LUZP2: variants seen among roughly 807,000 people sequenced by gnomAD.
LUZP2 encodes the protein leucine zipper protein 2.
LUZP2 carries 52 observed loss-of-function variants against 51.6 expected under a neutral mutation model. The observed-to-expected ratio is 1.01, with a 90% CI of 0.81 to 1.27. The LOEUF is 1.27. Among genes scored for constraint, LUZP2 ranks in the 50% most tolerant of loss-of-function variants. LUZP2 has a pLI of 0.00. For synonymous variants in LUZP2, 154 were observed against 137.3 expected (o/e 1.12, Z -0.85); for missense variants, 436 against 395.4 (o/e 1.10, Z -0.87).
chr11:24,704,184 C>T (rs902981562), intron 1 of LUZP2, among the ~76,000 whole-genome samples: 20 of 152,124 alleles, frequency 1.3e-4, no homozygotes, highest in South Asian at 6.2e-4. Context: ...TTTGCTTTAG[C>T]GTCTTTGGAG....
At chr11:24,587,061 T>C (rs575306834) in intron 1 of LUZP2, among the ~76,000 whole-genome samples, 3 of 152,244 alleles carry the variant, frequency 2.0e-5, no homozygotes, top group African/African-American at 7.2e-5. Flanking sequence ...ACAATTTTTA[T>C]TATGACTACT....
At chr11:25,071,848 TAA>T (rs60570681) in intron 10 of LUZP2, among the ~76,000 whole-genome samples, 55,935 of 151,236 alleles carry the variant, frequency 0.37, 12,505 homozygotes, top group East Asian at 0.78. Context: ...TAAAAAAAGA[TAA>T]AAAAAAATAA....
intron 1 of LUZP2, among the ~76,000 whole-genome samples, chr11:24,635,041 G>A (rs529463774): frequency 2.6e-5 from 4 of 152,122 alleles, no homozygotes; most frequent in South Asian, 2.1e-4. Context: ...ACCAGGAAGC[G>A]TGGGATGGGG....
intron 5 of LUZP2, among the ~76,000 whole-genome samples, chr11:24,790,029 T>C (rs554969031): frequency 1.5e-4 from 23 of 152,332 alleles, no homozygotes; most frequent in African/African-American, 4.6e-4. Context: ...TCTTTCCACC[T>C]GTGCTTTGAA....
At chr11:24,977,256 A>G (rs12273070) in intron 8 of LUZP2, among the ~76,000 whole-genome samples, 12,966 of 151,700 alleles carry the variant, frequency 0.085, 1,824 homozygotes, top group African/African-American at 0.29. Flanking sequence ...ATTAACAAAT[A>G]TACATAAATG....
intron 7 of LUZP2, among the ~76,000 whole-genome samples, chr11:24,951,151 A>T (rs930832593): frequency 6.6e-6 from 1 of 151,600 alleles, no homozygotes; most frequent in Non-Finnish European, 1.5e-5. Flanking sequence ...TTGCGAGAAT[A>T]TACTTAATTA....
At chr11:25,040,343 A>ATTTTTTTTTTTTTT (rs57668112) in intron 9 of LUZP2, among the ~76,000 whole-genome samples, 1,364 of 98,694 alleles carry the variant, frequency 0.014, 282 homozygotes, top group African/African-American at 0.044. Flanking sequence ...TTTCTTTCCG[A>ATTTTTTTTTTTTTT]TTTTTTTTTT....
chr11:25,012,410 T>C (rs1857012701), intron 9 of LUZP2, among the ~76,000 whole-genome samples: 1 of 152,168 alleles, frequency 6.6e-6, no homozygotes, highest in Non-Finnish European at 1.5e-5. Context: ...ATTGTAAATA[T>C]TGGACTTCCG....
intron 5 of LUZP2, among the ~76,000 whole-genome samples, chr11:24,847,850 A>G (rs547313298): frequency 1.3e-4 from 20 of 152,286 alleles, no homozygotes; most frequent in Admixed American, 2.0e-4. Flanking sequence ...TTTATATTTA[A>G]TCAAATATTT....
At chr11:24,907,262 C>G (rs892760770) in intron 6 of LUZP2, among the ~76,000 whole-genome samples, 1 of 145,856 alleles carries the variant, frequency 6.9e-6, no homozygotes, top group Non-Finnish European at 1.5e-5. Flanking sequence ...GGTGAAAACT[C>G]TCCTTGAAAA....
intron 5 of LUZP2, among the ~76,000 whole-genome samples, chr11:24,814,042 T>C (rs12280994): frequency 4.5e-4 from 69 of 152,310 alleles, no homozygotes; most frequent in Admixed American, 2.4e-3. Context: ...CAGTGAACAA[T>C]TGGTAGTGTT....
chr11:24,823,832 G>A (rs1257800505), intron 5 of LUZP2, among the ~76,000 whole-genome samples: 3 of 152,184 alleles, frequency 2.0e-5, no homozygotes, highest in African/African-American at 4.8e-5. Flanking sequence ...GGGAGGCTGA[G>A]ACGGGTGGAT....
intron 5 of LUZP2, among the ~76,000 whole-genome samples, chr11:24,877,212 A>T (rs1004520906): frequency 6.6e-6 from 1 of 152,174 alleles, no homozygotes; most frequent in African/African-American, 2.4e-5. Context: ...CAAGTGATAA[A>T]TATGCCTGAA....
chr11:25,041,529 CAATT>C (rs1255236777), intron 9 of LUZP2, among the ~76,000 whole-genome samples: 18 of 151,980 alleles, frequency 1.2e-4, no homozygotes, highest in African/African-American at 4.4e-4. Flanking sequence ...TGTTTTAAGA[CAATT>C]AAATAAAATG....
chr11:24,525,968 C>G (rs1048132441), intron 1 of LUZP2, among the ~76,000 whole-genome samples: 1 of 151,270 alleles, frequency 6.6e-6, no homozygotes, highest in African/African-American at 2.4e-5. Flanking sequence ...ATAGAATATT[C>G]TTCTTATAAT....
At chr11:24,604,825 A>G (rs1363068980) in intron 1 of LUZP2, among the ~76,000 whole-genome samples, 3 of 151,870 alleles carry the variant, frequency 2.0e-5, no homozygotes, top group African/African-American at 7.2e-5. Flanking sequence ...ATTTAGATAG[A>G]TATTCTCCAA....
chr11:24,736,820 C>T (rs1212774367), intron 3 of LUZP2, among the ~76,000 whole-genome samples: 1 of 151,934 alleles, frequency 6.6e-6, no homozygotes, highest in Non-Finnish European at 1.5e-5. Context: ...TGGAAGCTGT[C>T]ACTCAGAATC....
At chr11:24,996,021 A>G (rs1237099911) in intron 9 of LUZP2, among the ~76,000 whole-genome samples, 4 of 150,786 alleles carry the variant, frequency 2.7e-5, no homozygotes, top group African/African-American at 9.7e-5. Context: ...TATAGGTTCT[A>G]ATTATTTTTA....
At chr11:25,050,350 G>A (rs1252361695) in intron 10 of LUZP2, among the ~76,000 whole-genome samples, 1 of 126,802 alleles carries the variant, frequency 7.9e-6, no homozygotes, top group Non-Finnish European at 1.6e-5. Context: ...CGCCCAGGCT[G>A]GAGTGCAGTG....
Sources: allele counts gnomAD v4.1 joint callset (sites outside exome capture counted in the v4.1 genomes callset), GRCh38; gene constraint gnomAD v4.1.1; transcripts MANE v1.5; gene names NCBI Gene and HGNC (gene_info 2026-07-23, HGNC 2026-07-21).